Variants in TASL observed in about 807,000 individuals in gnomAD.
The protein encoded by TASL is TLR adaptor interacting with endolysosomal SLC15A4, also known as TLR adapter interacting with SLC15A4 on the lysosome.
Under a neutral mutation model 12.9 loss-of-function variants are expected in TASL, and 6 were observed. The observed-to-expected ratio is 0.46, with a 90% CI of 0.25 to 0.92. The LOEUF (loss-of-function observed/expected upper bound fraction) is 0.92. Ranked by LOEUF, TASL falls within the 40% of genes least tolerant of loss-of-function variation. The probability of loss-of-function intolerance (pLI) is 0.17; values close to 1 mark genes in which losing one functional copy is unlikely to be tolerated. For synonymous variants in TASL, 85 were observed against 79.3 expected (o/e 1.07, Z -0.38); for missense variants, 165 against 212.8 (o/e 0.78, Z 1.40).
chrX:30,571,298 G>GAAAGAAAA (rs1930615560), intron 2 of TASL, among the ~76,000 whole-genome samples: 1 of 85,037 alleles, frequency 1.2e-5, no homozygotes, highest in Non-Finnish European at 2.4e-5. Flanking sequence ...AAGAAAGAAA[G>GAAAGAAAA]AAAGAAAGAA....
intron 2 of TASL, among the ~76,000 whole-genome samples, chrX:30,565,678 G>A (rs1239876539): frequency 3.6e-5 from 4 of 111,698 alleles, no homozygotes; most frequent in African/African-American, 1.3e-4. Flanking sequence ...ACTACTCTAT[G>A]GAACAGCAAA....
intron 2 of TASL, among the ~76,000 whole-genome samples, chrX:30,573,664 T>C (rs1930662878): frequency 9.0e-6 from 1 of 111,581 alleles, no homozygotes; most frequent in Non-Finnish European, 1.9e-5. Flanking sequence ...ATGCCTGTAA[T>C]CCCAGCACTT....
At chrX:30,563,420 A>G (rs1264933725) in intron 2 of TASL, among the ~76,000 whole-genome samples, 1 of 112,539 alleles carries the variant, frequency 8.9e-6, no homozygotes, top group East Asian at 2.8e-4. Flanking sequence ...ACACATGGGG[A>G]AAGCGAAGAG....
intron 2 of TASL, among the ~76,000 whole-genome samples, chrX:30,561,395 G>C (rs1047351239): frequency 2.7e-5 from 3 of 111,160 alleles, no homozygotes; most frequent in Non-Finnish European, 5.7e-5. Flanking sequence ...GCTAGAACAG[G>C]CTAGAAACCA....
At chrX:30,572,158 A>G (rs1930636956) in intron 2 of TASL, among the ~76,000 whole-genome samples, 1 of 111,941 alleles carries the variant, frequency 8.9e-6, no homozygotes, top group African/African-American at 3.2e-5. Context: ...CAGATAGGGG[A>G]ATGCCAAAAT....
intron 2 of TASL, among the ~76,000 whole-genome samples, chrX:30,564,436 C>T (rs1258366806): frequency 9.3e-6 from 1 of 107,930 alleles, no homozygotes; most frequent in East Asian, 2.8e-4. Context: ...ATCTATACCT[C>T]CTCTCATGAA....
intron 2 of TASL, among the ~76,000 whole-genome samples, chrX:30,565,864 A>G (rs1265666923): frequency 9.1e-6 from 1 of 110,101 alleles, no homozygotes; most frequent in Non-Finnish European, 1.9e-5. Flanking sequence ...TCCACCTCCC[A>G]GGTTCAAGTG....
intron 2 of TASL, among the ~76,000 whole-genome samples, chrX:30,569,730 G>A (rs944038427): frequency 9.0e-6 from 1 of 111,282 alleles, no homozygotes; most frequent in Non-Finnish European, 1.9e-5. Context: ...ATCTATATTC[G>A]GGCCGGGCAC....
At chrX:30,574,485 A>T (rs958194732) in intron 2 of TASL, among the ~76,000 whole-genome samples, 1 of 111,623 alleles carries the variant, frequency 9.0e-6, no homozygotes, top group Non-Finnish European at 1.9e-5. Flanking sequence ...GGCAAAACAG[A>T]TCCCGCCCCT....
chrX:30,567,940 T>G (rs1930524154), intron 2 of TASL, among the ~76,000 whole-genome samples: 1 of 111,881 alleles, frequency 8.9e-6, no homozygotes, highest in Admixed American at 9.5e-5. Context: ...AGATAAATAT[T>G]TTAAAGTAAC....
In TASL at chrX:30,559,927, A is replaced by G. The variant is rs753582096; in HGVS notation, c.429T>C (p.Asp143=). ...QVMAINSVTT[D]FPSESSFEYG... is the part of the protein sequence containing the mutation. ...ATTCAAAACTGCTCTCAGAGGGAAA[A>G]TCTGTTGTCACTGAATTAATGGCCA... is the stretch of plus-strand genomic sequence containing the variant. Residue 143 remains aspartate, a synonymous_variant, in exon 3 of 3, where the codon GAT becomes GAC. Coordinates refer to ENST00000378962, the MANE Select transcript of TASL (RefSeq NM_025159.3). 35 of 1,209,890 alleles carry G rather than the reference A, an allele frequency of 2.9e-5. No individual in the cohort carries two copies. Among genetic ancestry groups the G allele is most frequent in the Non-Finnish European group, 3.8e-5 (34 of 895,083 alleles).
In TASL at chrX:30,559,067, C is replaced by T. The variant is rs1930378022; in HGVS notation, c.*383G>A. On this transcript the variant is annotated 3_prime_UTR_variant, in exon 3 of 3. Transcript: ENST00000378962. ...CAGGTAATCCACCCACATCAGCCTC[C>T]GAAATGCTGGGATTACAGGCGTGAG... 1 of 122,998 alleles carries T rather than the reference C, an allele frequency of 8.1e-6. No homozygotes were observed. The highest frequency in any genetic ancestry group is 1.6e-5 in the Non-Finnish European group (1 of 60,687). 10.1% of individuals were successfully genotyped at this position (122,998 alleles called of 1,213,427 possible). A position where few individuals can be genotyped will look rare whatever the true frequency, so the allele number is the denominator to read the frequency against.
intron 1 of TASL, 35 bp downstream of exon 1, chrX:30,577,603 C>A (rs1187121469): frequency 8.9e-6 from 1 of 111,816 alleles, no homozygotes. Context: ...AAAATAATAG[C>A]GGAGTTCTAG....
At chrX:30,565,760 TTTTTTTTGTTTTTTTG>T (rs776549279) in intron 2 of TASL, among the ~76,000 whole-genome samples, 1 of 111,275 alleles carries the variant, frequency 9.0e-6, no homozygotes, top group African/African-American at 3.3e-5. Context: ...AACTGCAGTA[TTTTTTTTGTTTTTTTG>T]TTTTTTTGTT....
At chrX:30,563,424 C>T (rs760969154) in intron 2 of TASL, among the ~76,000 whole-genome samples, 3 of 112,366 alleles carry the variant, frequency 2.7e-5, no homozygotes, top group Admixed American at 9.4e-5. Context: ...ATGGGGAAAG[C>T]GAAGAGCCAA....
intron 2 of TASL, among the ~76,000 whole-genome samples, chrX:30,571,965 C>T (rs1930634144): frequency 9.1e-6 from 1 of 110,145 alleles, no homozygotes; most frequent in African/African-American, 3.3e-5. Context: ...TCTTGTTTCT[C>T]ATCTTAGAGA....
intron 2 of TASL, among the ~76,000 whole-genome samples, chrX:30,570,132 C>T (rs1284587184): frequency 1.8e-5 from 2 of 110,531 alleles, no homozygotes; most frequent in African/African-American, 6.6e-5. Flanking sequence ...AACATCTCAT[C>T]TACAAACGTC....
intron 2 of TASL, among the ~76,000 whole-genome samples, chrX:30,570,487 A>C (rs1601838537): frequency 9.0e-6 from 1 of 111,710 alleles, no homozygotes; most frequent in Non-Finnish European, 1.9e-5. Context: ...TGCTCATTTT[A>C]CAGATGACAA....
At chrX:30,564,775 T>C (rs998931904) in intron 2 of TASL, among the ~76,000 whole-genome samples, 8 of 111,700 alleles carry the variant, frequency 7.2e-5, no homozygotes, top group African/African-American at 2.6e-4. Flanking sequence ...AACAATAAAA[T>C]GGAGACAAAG....
Sources: gnomAD v4.1 joint callset for allele counts (sites outside exome capture counted in the v4.1 genomes callset) on GRCh38, gnomAD v4.1.1 for gene constraint, MANE v1.5 for transcripts, NCBI Gene and HGNC (gene_info 2026-07-23, HGNC 2026-07-21) for gene names.